The following SYPL1 variants were observed in gnomAD, a reference collection of about 807,000 sequenced individuals.
SYPL1 encodes the protein synaptophysin-like protein 1.
A neutral mutation model predicts 23.7 loss-of-function variants in SYPL1; 6 were observed. The observed-to-expected ratio is 0.25, with a 90% CI of 0.14 to 0.50. The LOEUF (loss-of-function observed/expected upper bound fraction) is 0.50. Among genes scored for constraint, SYPL1 ranks in the 20% least tolerant of loss-of-function variants. The pLI is 0.98. For missense variants in SYPL1, 253 were observed against 288.9 expected (o/e 0.88, Z 0.90); for synonymous variants, 102 against 104.5 (o/e 0.98, Z 0.15).
chr7:106,093,852 GCAA>G (rs1356358163), intron 3 of SYPL1, among the ~76,000 whole-genome samples: 1 of 69,772 alleles, frequency 1.4e-5, no homozygotes, highest in Non-Finnish European at 4.6e-5. Context: ...TAAGAAAAAG[GCAA>G]CAACAAAAAT....
At chr7:106,092,469 T>G (rs1839779945) in intron 4 of SYPL1, 1 of 224,054 alleles carries the variant, frequency 4.5e-6, no homozygotes, top group East Asian at 1.5e-4. Flanking sequence ...GGTCGGGAGT[T>G]TGACCAGCCT....
rs1167101900 is a variant in SYPL1, at chr7:106,104,709, C to A, written c.70-5427G>T. 6.6e-6 allele frequency among the ~76,000 whole-genome samples: 1 copy of A among 152,124 alleles called. No individual in the cohort carries two copies. The highest frequency in any genetic ancestry group is 1.9e-4 in the East Asian group (1 of 5,198). On this transcript the variant is annotated intron_variant, in intron 1 of 4. Coordinates refer to ENST00000455385, the MANE Select transcript of SYPL1 (RefSeq NM_182715.4). This position sits in a 1 kb window ranked among gnomAD's most constrained non-coding sequence, Gnocchi z 4.1. ...TAAGGATAGATAAATATCATGACAG[C>A]AATTCTGGTCTTTATCTTATAGAAA... is the stretch of plus-strand genomic sequence containing the variant.
In SYPL1 at chr7:106,101,462, C is replaced by T. The variant is rs753924111; in HGVS notation, c.70-2180G>A. Among the ~76,000 whole-genome samples the T allele has an allele frequency of 6.5e-4, 45 of 69,428 alleles. No homozygotes were observed. In the South Asian group the frequency reaches 0.014, roughly 21 times the overall value. The allele number at this position is 69,428 out of a possible 152,430, so 45.5% of individuals were successfully genotyped here. ...CGCCCCCCCCCCCCCCCCCCCCCCCCCCCCCACAAAAAAGATACATGAAAA... is the reference window on the plus strand; with the variant it reads ...CGCCCCCCCCCCCCCCCCCCCCCCCTCCCCCACAAAAAAGATACATGAAAA... On this transcript the variant is annotated intron_variant, in intron 1 of 4. Transcript: ENST00000455385.
At chr7:106,093,188 A>T (rs763673328) in intron 3 of SYPL1, 51 bp from the exon 4 acceptor site, 1 of 1,442,426 alleles carries the variant, frequency 6.9e-7, no homozygotes, top group Non-Finnish European at 9.3e-7. Flanking sequence ...TTTTAATACT[A>T]AATTTCAAAT....
chr7:106,092,049 G>C, intron 4 of SYPL1, 110 bp from the exon 5 acceptor site: 1 of 1,077,754 alleles, frequency 9.3e-7, no homozygotes, highest in Non-Finnish European at 1.3e-6. Context: ...TAGGAAGTAC[G>C]CCATTATTTC....
chr7:106,112,084 G>GC, intron 1 of SYPL1, 56 bp downstream of exon 1: 1 of 1,342,640 alleles, frequency 7.4e-7, no homozygotes, highest in Non-Finnish European at 9.7e-7. Flanking sequence ...CCGTCTCCCC[G>GC]CCTAGGGCGC....
Position 106,091,473 on chromosome 7 carries a change from A to G in SYPL1, c.*332T>C, listed in dbSNP as rs1033984152. 2.0e-5 allele frequency: 4 copies of G among 200,910 alleles called. No homozygotes were observed. Among genetic ancestry groups the G allele is most frequent in the East Asian group, 2.4e-4 (2 of 8,360 alleles). The allele number at this position is 200,910 out of a possible 1,614,324, so 12.4% of individuals were successfully genotyped here. On this transcript the variant is annotated 3_prime_UTR_variant, in exon 5 of 5. Coordinates refer to ENST00000455385, the MANE Select transcript of SYPL1 (RefSeq NM_182715.4). The surrounding 1 kb of genome is among the most constrained non-coding windows in gnomAD (Gnocchi z 5.0). ...TTTCTTCCTACTATGGTATGACAAT[A>G]TAACTGTTTTCTGAATGAAGATACA... is the stretch of plus-strand genomic sequence containing the variant.
rs373449152 is a variant in SYPL1, at chr7:106,112,265, C to T, written c.-57G>A. 4 of 1,503,856 alleles carry T rather than the reference C, an allele frequency of 2.7e-6. No individual in the cohort carries two copies. The highest frequency in any genetic ancestry group is 3.6e-6 in the Non-Finnish European group (4 of 1,115,726). The allele number at this position is 1,503,856 out of a possible 1,614,324, so 93.2% of individuals were successfully genotyped here. On this transcript the variant is annotated 5_prime_UTR_variant, in exon 1 of 5. Transcript: ENST00000455385. ...ACGACGGGGCGGAGGAGGGGACCGA[C>T]GAGACCAGAGCAGCCCGGTGGCGAG...
At position 106,092,929 on chromosome 7, in the gene SYPL1, T is replaced by C; in HGVS notation, c.591+20A>G. The C allele has an allele frequency of 6.6e-7, 1 of 1,507,206 alleles. No individual in the cohort carries two copies. The highest frequency in any genetic ancestry group is 8.8e-7 in the Non-Finnish European group (1 of 1,130,964). 93.4% of individuals were successfully genotyped at this position (1,507,206 alleles called of 1,614,324 possible). On this transcript the variant is annotated intron_variant, in intron 4 of 4. Transcript: ENST00000455385. Reference sequence around the variant, plus strand: ...AAACAAATATATGAAAGAAAAAAATTATAAATAATGCATACATACCACAGA... The same window carrying C: ...AAACAAATATATGAAAGAAAAAAATCATAAATAATGCATACATACCACAGA...
chr7:106,097,172 C>T lies in SYPL1; in HGVS notation c.402+518G>A, dbSNP rs1159112966. Reference sequence around the variant, plus strand: ...AAGCCAAGATGGTGCTACTGCCCTCCTGCCTGGGCGACAAAGCGAGACCTT... The same window carrying T: ...AAGCCAAGATGGTGCTACTGCCCTCTTGCCTGGGCGACAAAGCGAGACCTT... On this transcript the variant is annotated intron_variant, in intron 3 of 4. Coordinates refer to ENST00000455385, the MANE Select transcript of SYPL1 (RefSeq NM_182715.4). The surrounding 1 kb of genome is among the most constrained non-coding windows in gnomAD (Gnocchi z 4.6). 6.6e-6 allele frequency among the ~76,000 whole-genome samples: 1 copy of T among 152,170 alleles called. No homozygotes were observed. Among genetic ancestry groups the T allele is most frequent in the African/African-American group, 2.4e-5 (1 of 41,434 alleles).
intron 1 of SYPL1, among the ~76,000 whole-genome samples, chr7:106,110,498 G>A (rs1473910536): frequency 6.6e-6 from 1 of 152,170 alleles, no homozygotes; most frequent in Non-Finnish European, 1.5e-5. Context: ...AATAGATCAT[G>A]AGAAAAAGAC....
intron 1 of SYPL1, among the ~76,000 whole-genome samples, chr7:106,105,994 T>C (rs574693985): frequency 6.6e-6 from 1 of 152,322 alleles, no homozygotes; most frequent in African/African-American, 2.4e-5. Flanking sequence ...AATGGAAGCA[T>C]TCATACTACT....
rs994568631 is a variant in SYPL1 at position 106,096,594 on chromosome 7, C to G, written c.402+1096G>C. ...AATAATCCAGGGCAGATTCTACTAACTAAATCTCAGAGAATATTTCTAGCT... is the reference window on the plus strand; with the variant it reads ...AATAATCCAGGGCAGATTCTACTAAGTAAATCTCAGAGAATATTTCTAGCT... On this transcript the variant is annotated intron_variant, in intron 3 of 4. Coordinates refer to ENST00000455385, the MANE Select transcript of SYPL1 (RefSeq NM_182715.4). The surrounding 1 kb of genome is among the most constrained non-coding windows in gnomAD (Gnocchi z 4.4). 2.6e-5 allele frequency among the ~76,000 whole-genome samples: 4 copies of G among 152,216 alleles called. No homozygotes were observed. The highest frequency in any genetic ancestry group is 4.4e-5 in the Non-Finnish European group (3 of 68,042).
chr7:106,103,645 G>A (rs1246983462), intron 1 of SYPL1, among the ~76,000 whole-genome samples: 4 of 151,970 alleles, frequency 2.6e-5, no homozygotes, highest in South Asian at 2.1e-4. Flanking sequence ...TTATATTGAC[G>A]ACTTGTTCAA....
intron 1 of SYPL1, among the ~76,000 whole-genome samples, chr7:106,105,021 C>G (rs2116177626): frequency 6.6e-6 from 1 of 152,248 alleles, no homozygotes; most frequent in Non-Finnish European, 1.5e-5. Context: ...TGAAGAATGG[C>G]AACATCAGAC....
intron 1 of SYPL1, among the ~76,000 whole-genome samples, chr7:106,111,149 AC>A (rs1585946260): frequency 6.6e-6 from 1 of 152,236 alleles, no homozygotes; most frequent in East Asian, 1.9e-4. Flanking sequence ...CACATTAGGT[AC>A]CCATCAGAGA....
intron 1 of SYPL1, among the ~76,000 whole-genome samples, chr7:106,103,325 A>C (rs1353315633): frequency 6.6e-6 from 1 of 152,206 alleles, no homozygotes; most frequent in Non-Finnish European, 1.5e-5. Flanking sequence ...GACTACCTAG[A>C]CTATAAAACC....
intron 1 of SYPL1, among the ~76,000 whole-genome samples, chr7:106,108,493 G>A (rs113984798): frequency 4.1e-4 from 63 of 151,990 alleles, no homozygotes; most frequent in Middle Eastern, 6.8e-3. Flanking sequence ...ATTTCTGCTT[G>A]GCCTTCTGAG....
Position 106,112,127 on chromosome 7 carries a change from G to A in SYPL1, c.69+13C>T, listed in dbSNP as rs1790193727. 1.3e-6 allele frequency: 2 copies of A among 1,486,414 alleles called. No homozygotes were observed. The highest frequency in any genetic ancestry group is 1.3e-5 in the South Asian group (1 of 78,516). The allele number at this position is 1,486,414 out of a possible 1,614,324, so 92.1% of individuals were successfully genotyped here. On this transcript the variant is annotated intron_variant, in intron 1 of 4. Transcript: ENST00000455385. Reference sequence around the variant, plus strand: ...AGCGGCAGGCGGGCCTGGCCGGCGCGGGCTGCACTCACCCACTCGAGGACC... The same window carrying A: ...AGCGGCAGGCGGGCCTGGCCGGCGCAGGCTGCACTCACCCACTCGAGGACC...
Sources: allele counts gnomAD v4.1 joint callset (sites outside exome capture counted in the v4.1 genomes callset), GRCh38; gene constraint gnomAD v4.1.1; non-coding constraint Gnocchi (gnomAD v3.1); transcripts MANE v1.5; gene names NCBI Gene and HGNC (gene_info 2026-07-23, HGNC 2026-07-21).